Variants in SNAP25 observed in about 807,000 individuals in gnomAD.
The protein encoded by SNAP25 is synaptosomal-associated protein 25.
SNAP25 carries 3 observed loss-of-function variants against 28.7 expected under a neutral mutation model. The ratio of observed to expected loss-of-function variants is 0.10; its 90% CI spans 0.05 to 0.27. The LOEUF is 0.27. Ranked by LOEUF, SNAP25 falls within the 10% of genes least tolerant of loss-of-function variation. The probability of loss-of-function intolerance (pLI) is 1.00; values close to 1 mark genes in which losing one functional copy is unlikely to be tolerated. For synonymous variants in SNAP25, 61 were observed against 88.1 expected (o/e 0.69, Z 1.72); for missense variants, 117 against 278.7 (o/e 0.42, Z 4.13).
chr20:10,237,196 C>T (rs895609445), intron 1 of SNAP25, among the ~76,000 whole-genome samples: 3 of 152,058 alleles, frequency 2.0e-5, no homozygotes, highest in African/African-American at 7.2e-5. Context: ...GCTGCTGGGG[C>T]TCAGCCCAGC....
intron 1 of SNAP25, among the ~76,000 whole-genome samples, chr20:10,241,381 G>C (rs1443915890): frequency 3.3e-5 from 5 of 151,992 alleles, no homozygotes; most frequent in Non-Finnish European, 7.4e-5. Flanking sequence ...CCCTCTTTCT[G>C]CCACTCCCCA....
intron 3 of SNAP25, among the ~76,000 whole-genome samples, chr20:10,282,059 C>A (rs1247703612): frequency 6.6e-6 from 1 of 152,004 alleles, no homozygotes; most frequent in African/African-American, 2.4e-5. Flanking sequence ...AACAAAGGAA[C>A]ACATTTGAGA....
intron 7 of SNAP25, among the ~76,000 whole-genome samples, chr20:10,304,723 T>C (rs59896783): frequency 0.014 from 2,181 of 152,326 alleles, 53 homozygotes; most frequent in African/African-American, 0.049. Flanking sequence ...GGTGGCACTT[T>C]GTATGGGTGC....
chr20:10,227,451 G>A (rs2122639522), intron 1 of SNAP25, among the ~76,000 whole-genome samples: 1 of 152,144 alleles, frequency 6.6e-6, no homozygotes, highest in Non-Finnish European at 1.5e-5. Flanking sequence ...AAGTAATCCT[G>A]CTTTTTATTG....
At chr20:10,295,715 AG>A (rs1419831086) in intron 5 of SNAP25, among the ~76,000 whole-genome samples, 4 of 152,354 alleles carry the variant, frequency 2.6e-5, no homozygotes, top group African/African-American at 9.6e-5. Context: ...ATGGGACCAA[AG>A]AATGTCTCTT....
chr20:10,225,443 C>A lies in SNAP25; in HGVS notation c.-64+6466C>A, dbSNP rs1600633573. On this transcript the variant is annotated intron_variant, in intron 1 of 7. Transcript: ENST00000254976. ...GGGGGAAATCCTATTTAAGGATTAG[C>A]ATTTCCTTCTAAATGCTTAACAATG... Among the ~76,000 whole-genome samples, 3 of 152,286 alleles carry A rather than the reference C, an allele frequency of 2.0e-5. No individual in the cohort carries two copies. In the South Asian group the frequency reaches 6.2e-4, roughly 32 times the overall value.
At chr20:10,266,103 T>C (rs2122931885) in intron 1 of SNAP25, among the ~76,000 whole-genome samples, 1 of 152,322 alleles carries the variant, frequency 6.6e-6, no homozygotes, top group South Asian at 2.1e-4. Flanking sequence ...CATAGAATGT[T>C]AGAATAGATG....
chr20:10,256,739 A>G (rs1480567286), intron 1 of SNAP25, among the ~76,000 whole-genome samples: 2 of 151,932 alleles, frequency 1.3e-5, no homozygotes, highest in East Asian at 1.9e-4. Flanking sequence ...AAGAAAGGGA[A>G]TGGAAAGGAA....
intron 1 of SNAP25, among the ~76,000 whole-genome samples, chr20:10,243,675 C>T (rs954445654): frequency 7.9e-5 from 12 of 152,070 alleles, no homozygotes; most frequent in Non-Finnish European, 1.2e-4. Flanking sequence ...GGTAAAGTGG[C>T]CTACTCATCA....
chr20:10,306,381 C>T lies in SNAP25; in HGVS notation c.*184C>T. On this transcript the variant is annotated 3_prime_UTR_variant, in exon 8 of 8. Coordinates refer to ENST00000254976, the MANE Select transcript of SNAP25 (RefSeq NM_130811.4). ...TTTGTGTCTTTTGTTCTCTCTTGGT[C>T]TCTTTCTTTCCAAAGGTTGTACATA... 1.9e-6 allele frequency: 1 copy of T among 536,134 alleles called. No individual in the cohort carries two copies. Among genetic ancestry groups the T allele is most frequent in the Non-Finnish European group, 3.4e-6 (1 of 297,992 alleles). The allele number at this position is 536,134 out of a possible 1,614,324, so 33.2% of individuals were successfully genotyped here. A position where few individuals can be genotyped will look rare whatever the true frequency, so the allele number is the denominator to read the frequency against.
At chr20:10,243,106 C>A (rs895177394) in intron 1 of SNAP25, among the ~76,000 whole-genome samples, 1 of 152,198 alleles carries the variant, frequency 6.6e-6, no homozygotes, top group African/African-American at 2.4e-5. Context: ...GAATGTAGAT[C>A]AGTGGTTTCC....
In SNAP25 at chr20:10,293,191, A is replaced by C; in HGVS notation, c.194A>C (p.Asp65Ala). The C allele has an allele frequency of 6.2e-7, 1 of 1,614,030 alleles. No homozygotes were observed. The highest frequency in any genetic ancestry group is 8.5e-7 in the Non-Finnish European group (1 of 1,179,990). The stretch of plus-strand genomic sequence containing the variant: ...CTGGAACGCATTGAGGAAGGGATGG[A>C]CCAAATCAATAAGGACATGAAAGAA... ...EQLERIEEGM[D>A]QINKDMKEAE... Residue 65 changes from aspartate (D) to alanine (A), a missense_variant, in exon 5 of 8, where the codon GAC (aspartate) becomes GCC (alanine). This residue lies in a region of SNAP25 where 88 missense variants were observed against 206.9 expected (regional missense o/e 0.43). Transcript: ENST00000254976. The surrounding 1 kb of genome is among the most constrained non-coding windows in gnomAD (Gnocchi z 5.6).
At chr20:10,264,761 C>T (rs1450946815) in intron 1 of SNAP25, among the ~76,000 whole-genome samples, 4 of 152,104 alleles carry the variant, frequency 2.6e-5, no homozygotes, top group African/African-American at 7.2e-5. Context: ...TGGATCCTTC[C>T]ACTCTGGGGG....
chr20:10,244,118 G>C (rs1296298988), intron 1 of SNAP25, among the ~76,000 whole-genome samples: 1 of 152,118 alleles, frequency 6.6e-6, no homozygotes, highest in African/African-American at 2.4e-5. Flanking sequence ...AGGAGTTATT[G>C]CCATGACTAA....
intron 1 of SNAP25, among the ~76,000 whole-genome samples, chr20:10,248,604 C>T (rs549265463): frequency 2.0e-4 from 31 of 152,254 alleles, no homozygotes; most frequent in African/African-American, 7.0e-4. Context: ...CCCACAACAA[C>T]GATCATTTTT....
chr20:10,305,009 A>G (rs1344536561), intron 7 of SNAP25, among the ~76,000 whole-genome samples: 3 of 152,196 alleles, frequency 2.0e-5, no homozygotes, highest in Admixed American at 2.0e-4. Context: ...CTCAACTGCA[A>G]ATAGGCCCAT....
Position 10,277,682 on chromosome 20 carries a change from T to G in SNAP25, c.73-3T>G, listed in dbSNP as rs2063714057. Reference sequence around the variant, plus strand: ...TTATGTTTGTTTGTTTTTTAAATCTTAGTCGCTGGAAAGCACCCGTCGTAT... The same window carrying G: ...TTATGTTTGTTTGTTTTTTAAATCTGAGTCGCTGGAAAGCACCCGTCGTAT... On this transcript the variant is annotated splice_region_variant and splice_polypyrimidine_tract_variant and intron_variant, in intron 2 of 7. Coordinates refer to ENST00000254976, the MANE Select transcript of SNAP25 (RefSeq NM_130811.4). The G allele has an allele frequency of 8.1e-6, 13 of 1,613,116 alleles. No individual in the cohort carries two copies. Among genetic ancestry groups the G allele is most frequent in the Non-Finnish European group, 1.1e-5 (13 of 1,179,806 alleles).
intron 1 of SNAP25, among the ~76,000 whole-genome samples, chr20:10,227,924 T>C (rs2062761361): frequency 6.6e-6 from 1 of 152,132 alleles, no homozygotes; most frequent in Non-Finnish European, 1.5e-5. Flanking sequence ...AGAATTGGCA[T>C]GGTGGACACA....
chr20:10,280,661 A>G (rs1388973805), intron 3 of SNAP25, among the ~76,000 whole-genome samples: 2 of 152,360 alleles, frequency 1.3e-5, no homozygotes, highest in South Asian at 2.1e-4. Flanking sequence ...TGGAGTCTGC[A>G]CATCAATGCC....
Sources: gnomAD v4.1 joint callset for allele counts (sites outside exome capture counted in the v4.1 genomes callset) on GRCh38, gnomAD v4.1.1 for gene constraint, gnomAD v4.1.1 regional missense constraint, Gnocchi (gnomAD v3.1) non-coding constraint, MANE v1.5 for transcripts, NCBI Gene and HGNC (gene_info 2026-07-23, HGNC 2026-07-21) for gene names.